The following CTPS2 variants were observed in gnomAD, a reference collection of about 807,000 sequenced individuals.
CTPS2 encodes CTP synthase 2, also known as CTP synthase II.
CTPS2 carries 19 observed loss-of-function variants against 46.8 expected under a neutral mutation model. That is an observed-to-expected ratio of 0.41 (90% CI 0.28 to 0.60). The LOEUF (loss-of-function observed/expected upper bound fraction) is 0.60, where lower values mean the gene tolerates loss of function less well. CTPS2 is among the 20% of genes least tolerant of loss of function. The pLI is 0.35. For missense variants in CTPS2, 286 were observed against 447.6 expected (o/e 0.64, Z 3.26); for synonymous variants, 151 against 165.2 (o/e 0.91, Z 0.66).
At chrX:16,662,036 A>G (rs1241101395) in intron 13 of CTPS2, among the ~76,000 whole-genome samples, 4 of 108,516 alleles carry the variant, frequency 3.7e-5, no homozygotes, top group African/African-American at 1.4e-4. Context: ...GAAAATATTC[A>G]AAATATAAAG....
At chrX:16,674,115 A>ATTTTTTT (rs61591845) in intron 10 of CTPS2, among the ~76,000 whole-genome samples, 19 of 99,072 alleles carry the variant, frequency 1.9e-4, no homozygotes, top group African/African-American at 6.8e-4. Flanking sequence ...GAAAATGTGG[A>ATTTTTTT]TTTTTTTTTT....
chrX:16,612,901 G>A (rs757751106), intron 16 of CTPS2, among the ~76,000 whole-genome samples: 9 of 111,883 alleles, frequency 8.0e-5, no homozygotes, highest in Admixed American at 1.9e-4. Context: ...AGTTACATAA[G>A]GTATGCAAAG....
chrX:16,678,873 A>T (rs755330683), intron 9 of CTPS2, among the ~76,000 whole-genome samples: 39 of 110,504 alleles, frequency 3.5e-4, no homozygotes, highest in Non-Finnish European at 4.9e-4. Flanking sequence ...TCTCAAAAAA[A>T]AATTTAAAAA....
intron 13 of CTPS2, among the ~76,000 whole-genome samples, chrX:16,667,288 A>G (rs1340671792): frequency 9.1e-6 from 1 of 109,929 alleles, no homozygotes; most frequent in African/African-American, 3.3e-5. Flanking sequence ...ATCTGCCACC[A>G]CAGCCAGCTA....
At chrX:16,651,998 T>C (rs762374441) in intron 13 of CTPS2, among the ~76,000 whole-genome samples, 1 of 103,123 alleles carries the variant, frequency 9.7e-6, no homozygotes, top group Non-Finnish European at 2.0e-5. Context: ...TAAGTGGGGG[T>C]TTATGACCAT....
intron 13 of CTPS2, among the ~76,000 whole-genome samples, chrX:16,666,231 C>A (rs946865426): frequency 8.9e-6 from 1 of 112,199 alleles, no homozygotes; most frequent in Non-Finnish European, 1.9e-5. Flanking sequence ...GGCCAACCAT[C>A]ATCTTGCAGA....
intron 13 of CTPS2, among the ~76,000 whole-genome samples, chrX:16,651,829 C>A (rs1932651638): frequency 8.9e-6 from 1 of 111,763 alleles, no homozygotes; most frequent in Non-Finnish European, 1.9e-5. Context: ...CTCCAATATA[C>A]AGTACTGTCT....
intron 9 of CTPS2, among the ~76,000 whole-genome samples, chrX:16,678,905 A>G (rs2147326926): frequency 9.0e-6 from 1 of 110,975 alleles, no homozygotes; most frequent in Non-Finnish European, 1.9e-5. Flanking sequence ...GGACGTCACT[A>G]GAACTGAACA....
chrX:16,702,729 T>G lies in CTPS2; in HGVS notation c.166+8A>C. The G allele has an allele frequency of 8.3e-7, 1 of 1,207,455 alleles. No individual in the cohort carries two copies. The highest frequency in any genetic ancestry group is 1.7e-5 in the African/African-American group (1 of 57,703). On this transcript the variant is annotated splice_region_variant and intron_variant, in intron 2 of 18. Transcript: ENST00000359276. ...GTGCTATAAGGGGGAAGTGGTTCAC[T>G]TTCGTACCGTGTTCATAAGGTGAAA... is the stretch of plus-strand genomic sequence containing the variant.
chrX:16,627,637 A>G (rs1345283276), intron 14 of CTPS2, among the ~76,000 whole-genome samples: 1 of 111,535 alleles, frequency 9.0e-6, no homozygotes, highest in Non-Finnish European at 1.9e-5. Context: ...GTTGAGCTTA[A>G]GCTGTGGCAT....
Position 16,700,255 on chromosome X carries a change from T to C in CTPS2, c.167-1162A>G, listed in dbSNP as rs999309291. 2.6e-4 allele frequency among the ~76,000 whole-genome samples: 28 copies of C among 108,170 alleles called. 1 individual carries two copies. Among genetic ancestry groups the C allele is most frequent in the Non-Finnish European group, 3.1e-4 (16 of 52,309 alleles). The allele number at this position is 108,170 out of a possible 115,157, so 93.9% of individuals were successfully genotyped here. A position where few individuals can be genotyped will look rare whatever the true frequency, so the allele number is the denominator to read the frequency against. On this transcript the variant is annotated intron_variant, in intron 2 of 18. Transcript: ENST00000359276. ...CCTCAGCCTCCTGAGTAGCTGGGAT[T>C]ACAGGTGTGCACCACCACACCCAGC...
At chrX:16,706,102 A>G (rs1386886702) in intron 1 of CTPS2, among the ~76,000 whole-genome samples, 1 of 105,134 alleles carries the variant, frequency 9.5e-6, no homozygotes, top group African/African-American at 3.4e-5. Flanking sequence ...CTCTGCCTCA[A>G]AAAAAAAAAA....
At position 16,623,792 on chromosome X, in the gene CTPS2, C is replaced by CTTTTTTTTTT. The variant is rs60328217; in HGVS notation, c.1394-3470_1394-3461dup. Among the ~76,000 whole-genome samples, 12 of 21,688 alleles carry CTTTTTTTTTT rather than the reference C, an allele frequency of 5.5e-4. 1 individual carries two copies. Among genetic ancestry groups the CTTTTTTTTTT allele is most frequent in the East Asian group, 1.9e-3 (1 of 519 alleles). The allele number at this position is 21,688 out of a possible 115,157, so 18.8% of individuals were successfully genotyped here. ...ATACCCAGCAGTCATCCCCTCAATT[C>CTTTTTTTTTT]TTTTTTTTTTTTTTTTTTTTTTTTT... On this transcript the variant is annotated intron_variant, in intron 14 of 18. Coordinates refer to ENST00000359276, the MANE Select transcript of CTPS2 (RefSeq NM_175859.3).
chrX:16,600,357 C>T (rs954178423), intron 17 of CTPS2, among the ~76,000 whole-genome samples: 1 of 111,787 alleles, frequency 8.9e-6, no homozygotes, highest in African/African-American at 3.3e-5. Context: ...TATTAAAATC[C>T]GTTTCCTGTG....
At chrX:16,617,060 G>T in intron 16 of CTPS2, 90 bp downstream of exon 16, 1 of 607,080 alleles carries the variant, frequency 1.6e-6, no homozygotes, top group Non-Finnish European at 2.7e-6. Context: ...AGAAAAGAAA[G>T]AATGCAAAAA....
rs916533856 is a variant in CTPS2, at chrX:16,698,975, C to T, written c.285G>A (p.Gln95=). 8.3e-7 allele frequency: 1 copy of T among 1,198,068 alleles called. No individual in the cohort carries two copies. Among genetic ancestry groups the T allele is most frequent in the African/African-American group, 1.8e-5 (1 of 56,982 alleles). ...CACGCCTCTCTTTATTGATCACATG[C>T]TGATATATCTTCCCCGTGGTGATAT... ...DNNITTGKIY[Q]HVINKERRGD... Residue 95 remains glutamine (Q), a synonymous_variant, in exon 3 of 19, where the codon CAG becomes CAA. Transcript: ENST00000359276.
Position 16,590,745 on chromosome X carries a change from A to G in CTPS2, c.*41+7T>C, listed in dbSNP as rs1045702729. 5.4e-6 allele frequency: 5 copies of G among 932,492 alleles called. No homozygotes were observed. Among genetic ancestry groups the G allele is most frequent in the Non-Finnish European group, 7.7e-6 (5 of 647,330 alleles). The allele number at this position is 932,492 out of a possible 1,213,427, so 76.8% of individuals were successfully genotyped here. A position where few individuals can be genotyped will look rare whatever the true frequency, so the allele number is the denominator to read the frequency against. On this transcript the variant is annotated splice_region_variant and intron_variant, in intron 18 of 18. Transcript: ENST00000359276. Reference sequence around the variant, plus strand: ...GAAATGAACAATCCTCGAAGATTCCATCTTACCCTCACAGGCAGTCCCCAT... The same window carrying G: ...GAAATGAACAATCCTCGAAGATTCCGTCTTACCCTCACAGGCAGTCCCCAT...
intron 17 of CTPS2, among the ~76,000 whole-genome samples, chrX:16,595,315 A>T (rs1929175603): frequency 9.0e-6 from 1 of 111,259 alleles, no homozygotes; most frequent in Admixed American, 9.6e-5. Flanking sequence ...ATTTTTAATT[A>T]ATTTATTTAT....
chrX:16,678,315 G>T, intron 10 of CTPS2, 47 bp downstream of exon 10: 1 of 835,405 alleles, frequency 1.2e-6, no homozygotes, highest in Non-Finnish European at 1.8e-6. Context: ...TACAGAAAAA[G>T]TACAATGGTC....
Sources: allele counts gnomAD v4.1 joint callset (sites outside exome capture counted in the v4.1 genomes callset), GRCh38; gene constraint gnomAD v4.1.1; transcripts MANE v1.5; gene names NCBI Gene and HGNC (gene_info 2026-07-23, HGNC 2026-07-21).